The following STAG1 variants were observed in gnomAD, a reference collection of about 807,000 sequenced individuals.
STAG1 encodes STAG1 cohesin complex component, also known as cohesin subunit SA-1.
STAG1 carries 26 observed loss-of-function variants against 170.9 expected under a neutral mutation model. The observed-to-expected ratio is 0.15, with a 90% CI of 0.11 to 0.21. The LOEUF is 0.21. Among genes scored for constraint, STAG1 ranks in the 10% least tolerant of loss-of-function variants. STAG1 has a pLI of 1.00. For synonymous variants in STAG1, 514 were observed against 497.7 expected (o/e 1.03, Z -0.44); for missense variants, 964 against 1,509.5 (o/e 0.64, Z 5.99).
intron 25 of STAG1, 88 bp from the exon 26 acceptor site, chr3:136,363,555 G>GA (rs57329112): frequency 0.13 from 38,106 of 285,938 alleles, 2,024 homozygotes; most frequent in African/African-American, 0.39. Flanking sequence ...CTTTGAAAAT[G>GA]AAAAAAAAAA....
chr3:136,336,724 T>C lies in STAG1; in HGVS notation c.*1530A>G, dbSNP rs1314210513. The C allele has an allele frequency of 6.6e-6, 1 of 152,206 alleles. No individual in the cohort carries two copies. The highest frequency in any genetic ancestry group is 6.5e-5 in the Admixed American group (1 of 15,284). 9.4% of individuals were successfully genotyped at this position (152,206 alleles called of 1,614,324 possible). On this transcript the variant is annotated 3_prime_UTR_variant, in exon 34 of 34. Coordinates refer to ENST00000383202, the MANE Select transcript of STAG1 (RefSeq NM_005862.3). The stretch of plus-strand genomic sequence containing the variant: ...GGTTTTTTTCAGAACTGTACAAATG[T>C]TGAGAAAAATGTTTTGTGTCTTTAC...
At chr3:136,420,290 A>C (rs538646603) in intron 20 of STAG1, among the ~76,000 whole-genome samples, 1 of 151,924 alleles carries the variant, frequency 6.6e-6, no homozygotes, top group East Asian at 1.9e-4. Context: ...ATAGCAAAAC[A>C]TAATCATCTA....
chr3:136,421,080 T>C lies in STAG1; in HGVS notation c.2108+13A>G. The stretch of plus-strand genomic sequence containing the variant: ...GCCACCTCGTTGCCTTTACTTTAAA[T>C]AAAATAACGTACTTGTGAAAAGAAG... On this transcript the variant is annotated intron_variant, in intron 20 of 33. Transcript: ENST00000383202. 6.4e-7 allele frequency: 1 copy of C among 1,572,306 alleles called. No individual in the cohort carries two copies. Among genetic ancestry groups the C allele is most frequent in the Non-Finnish European group, 8.7e-7 (1 of 1,150,180 alleles).
intron 16 of STAG1, among the ~76,000 whole-genome samples, chr3:136,427,080 T>A (rs1246691341): frequency 2.3e-5 from 3 of 132,624 alleles, no homozygotes; most frequent in Non-Finnish European, 3.3e-5. Flanking sequence ...AAAAAAAAAA[T>A]TAGTGGGATG....
rs1211212584 is a variant in STAG1 at position 136,646,321 on chromosome 3, TG to T, written c.-83-15341del. 5.3e-5 allele frequency among the ~76,000 whole-genome samples: 8 copies of T among 152,188 alleles called. No homozygotes were observed. The East Asian group carries it at 1.5e-3, about 29-fold the overall frequency. On this transcript the variant is annotated intron_variant, in intron 1 of 33. Transcript: ENST00000383202. ...AATCTTAATCCCACTAAGCAATCTT[TG>T]TATTTGTCCGTGGCTCCCTTTCTGA...
rs2088193698 is a variant in STAG1 at position 136,428,321 on chromosome 3, AC to A, written c.1650+5234del. ...TAACAAGAAGGCCTGGACAACAAGG[AC>A]CCCTTTTCTGGATTGGTTTACACTG... is the stretch of plus-strand genomic sequence containing the variant. On this transcript the variant is annotated intron_variant, in intron 16 of 33. Transcript: ENST00000383202. 5.3e-5 allele frequency among the ~76,000 whole-genome samples: 8 copies of A among 152,046 alleles called. No individual in the cohort carries two copies. In the South Asian group the frequency reaches 1.7e-3, roughly 32 times the overall value.
At chr3:136,701,761 T>C (rs1943069167) in intron 1 of STAG1, among the ~76,000 whole-genome samples, 1 of 152,152 alleles carries the variant, frequency 6.6e-6, no homozygotes, top group South Asian at 2.1e-4. Flanking sequence ...TCTGAGAGAA[T>C]CATTATACAA....
At chr3:136,539,797 T>C (rs981755706) in intron 6 of STAG1, among the ~76,000 whole-genome samples, 6 of 152,330 alleles carry the variant, frequency 3.9e-5, no homozygotes, top group Admixed American at 1.3e-4. Context: ...TTAACCAACA[T>C]TGTAATAATC....
intron 4 of STAG1, among the ~76,000 whole-genome samples, chr3:136,583,997 CAAACA>C (rs1316668631): frequency 6.6e-6 from 1 of 152,168 alleles, no homozygotes; most frequent in African/African-American, 2.4e-5. Context: ...CACTCAAAGC[CAAACA>C]AAACAAAACA....
At chr3:136,699,024 A>G (rs1942974461) in intron 1 of STAG1, among the ~76,000 whole-genome samples, 1 of 152,070 alleles carries the variant, frequency 6.6e-6, no homozygotes, top group African/African-American at 2.4e-5. Flanking sequence ...GAGGACATAA[A>G]GGCGTAAGAA....
Position 136,409,178 on chromosome 3 carries a change from T to C in STAG1, c.2196+8707A>G, listed in dbSNP as rs1445733015. 5.9e-5 allele frequency among the ~76,000 whole-genome samples: 9 copies of C among 152,056 alleles called. No homozygotes were observed. The South Asian group carries it at 1.2e-3, about 21-fold the overall frequency. On this transcript the variant is annotated intron_variant, in intron 21 of 33. Coordinates refer to ENST00000383202, the MANE Select transcript of STAG1 (RefSeq NM_005862.3). ...ACTCGGGAGGCAGAGGCAGGAGAAT[T>C]GGTTGAACCTGGGAGGCGGAGGTTG...
chr3:136,422,875 G>C lies in STAG1; in HGVS notation c.1744-18C>G. On this transcript the variant is annotated intron_variant, in intron 17 of 33. Transcript: ENST00000383202. ...GCAGAATACTAGAAGGAGAAGCAAA[G>C]AAAAAGACAGTAACTACTTTAATAG... is the stretch of plus-strand genomic sequence containing the variant. 1.3e-6 allele frequency: 2 copies of C among 1,595,372 alleles called. No individual in the cohort carries two copies. The highest frequency in any genetic ancestry group is 1.7e-6 in the Non-Finnish European group (2 of 1,172,708).
intron 7 of STAG1, among the ~76,000 whole-genome samples, chr3:136,510,301 A>AT (rs942645702): frequency 4.6e-5 from 7 of 152,002 alleles, no homozygotes; most frequent in Non-Finnish European, 8.8e-5. Context: ...TATTTTTCTT[A>AT]TTTTTTGAGA....
chr3:136,602,086 G>T (rs1938700978), intron 4 of STAG1, among the ~76,000 whole-genome samples: 1 of 151,918 alleles, frequency 6.6e-6, no homozygotes, highest in South Asian at 2.1e-4. Flanking sequence ...TACATTTAAA[G>T]AAAAGGAAGT....
intron 7 of STAG1, among the ~76,000 whole-genome samples, chr3:136,508,396 T>C (rs1025560790): frequency 6.6e-6 from 1 of 152,090 alleles, no homozygotes; most frequent in African/African-American, 2.4e-5. Context: ...GGCTGCAACA[T>C]AAAGTCCTAG....
In STAG1 at chr3:136,387,969, G is replaced by A. The variant is rs531521554; in HGVS notation, c.2278-10217C>T. Among the ~76,000 whole-genome samples, 190 of 152,246 alleles carry A rather than the reference G, an allele frequency of 1.2e-3. 1 individual carries two copies. Among genetic ancestry groups the A allele is most frequent in the Middle Eastern group, 0.01 (3 of 294 alleles). On this transcript the variant is annotated intron_variant, in intron 22 of 33. Transcript: ENST00000383202. ...AAATTATCCCAAAAATTCAGATGGA[G>A]GACTAAATCTATCACGCTGTATCCC...
intron 28 of STAG1, among the ~76,000 whole-genome samples, chr3:136,355,562 A>C (rs73222299): frequency 0.012 from 1,866 of 152,146 alleles, 21 homozygotes; most frequent in Non-Finnish European, 0.02. Context: ...CTATAAACAA[A>C]ACTATAAGCT....
chr3:136,725,154 A>G (rs1172110487), intron 1 of STAG1, among the ~76,000 whole-genome samples: 1 of 152,182 alleles, frequency 6.6e-6, no homozygotes, highest in Non-Finnish European at 1.5e-5. Context: ...TTTTAAATCA[A>G]CTAAGGAAGC....
At chr3:136,662,477 C>T (rs997735134) in intron 1 of STAG1, among the ~76,000 whole-genome samples, 24 of 152,022 alleles carry the variant, frequency 1.6e-4, no homozygotes, top group Non-Finnish European at 2.9e-4. Flanking sequence ...CAGGGTCTCA[C>T]TCTGTTGCCC....
Sources: gnomAD v4.1 joint callset for allele counts (sites outside exome capture counted in the v4.1 genomes callset) on GRCh38, gnomAD v4.1.1 for gene constraint, MANE v1.5 for transcripts, NCBI Gene and HGNC (gene_info 2026-07-23, HGNC 2026-07-21) for gene names.